SV2C: variants seen among roughly 807,000 people sequenced by gnomAD.
SV2C encodes solute carrier family 22 member B3.
A neutral mutation model predicts 79.7 loss-of-function variants in SV2C; 49 were observed. The ratio of observed to expected loss-of-function variants is 0.61; its 90% CI spans 0.49 to 0.78. SV2C has a LOEUF of 0.78. Ranked by LOEUF, SV2C falls within the 30% of genes least tolerant of loss-of-function variation. SV2C has a pLI of 0.00. For missense variants in SV2C, 833 were observed against 912.9 expected (o/e 0.91, Z 1.13); for synonymous variants, 334 against 333.2 (o/e 1.00, Z -0.03).
the SV2C span, among the ~76,000 whole-genome samples, chr5:76,006,690 T>C: frequency 6.6e-6 from 1 of 152,096 alleles, no homozygotes. Context: ...TAAATCAGCA[T>C]TTGGTCCTGG....
intron 10 of SV2C, among the ~76,000 whole-genome samples, chr5:76,299,754 A>G (rs1218352292): frequency 6.6e-6 from 1 of 152,210 alleles, no homozygotes; most frequent in Non-Finnish European, 1.5e-5. Flanking sequence ...GAGCAATGCT[A>G]TCTACCTGTC....
At chr5:76,083,310 G>A (rs1747054170), upstream of SV2C, 2 of 152,822 alleles carry the variant, frequency 1.3e-5, no homozygotes, top group East Asian at 1.9e-4. Flanking sequence ...GAGGAGAGGA[G>A]GAGGACCGCA....
chr5:75,969,997 C>T, the SV2C span, among the ~76,000 whole-genome samples: 1 of 152,060 alleles, frequency 6.6e-6, no homozygotes. Context: ...TGCAATCAAA[C>T]TAGAACTCAG....
chr5:76,104,897 G>T (rs1006790172), intron 1 of SV2C, among the ~76,000 whole-genome samples: 1 of 152,148 alleles, frequency 6.6e-6, no homozygotes, highest in Non-Finnish European at 1.5e-5. Context: ...CCCAGAAGAG[G>T]CAGTTTCTTC....
the SV2C span, among the ~76,000 whole-genome samples, chr5:76,049,541 G>A: frequency 6.6e-6 from 1 of 152,150 alleles, no homozygotes; most frequent in Non-Finnish European, 1.5e-5. Context: ...GATAATTGAA[G>A]AAGAAATTTC....
the SV2C span, among the ~76,000 whole-genome samples, chr5:75,934,350 G>A: frequency 7.3e-5 from 10 of 136,434 alleles, no homozygotes; most frequent in Admixed American, 4.6e-4. Flanking sequence ...GCAATGGCGC[G>A]ATCTCGGCTC....
chr5:76,097,605 G>A (rs1747607399), intron 1 of SV2C, among the ~76,000 whole-genome samples: 1 of 152,096 alleles, frequency 6.6e-6, no homozygotes, highest in Non-Finnish European at 1.5e-5. Context: ...AAGGCATTAT[G>A]CTGATATTTT....
intron 1 of SV2C, among the ~76,000 whole-genome samples, chr5:76,120,997 G>A (rs1480167177): frequency 2.0e-5 from 3 of 151,006 alleles, no homozygotes; most frequent in Non-Finnish European, 4.4e-5. Context: ...GTGTAAAAGT[G>A]TTCCTATTTC....
chr5:75,995,510 A>G, the SV2C span, among the ~76,000 whole-genome samples: 1 of 152,176 alleles, frequency 6.6e-6, no homozygotes, highest in Non-Finnish European at 1.5e-5. Flanking sequence ...TAAAAATAAA[A>G]CATCATTAAT....
chr5:76,047,290 G>A, the SV2C span, among the ~76,000 whole-genome samples: 3 of 152,052 alleles, frequency 2.0e-5, no homozygotes, highest in African/African-American at 4.8e-5. Context: ...CCCATGATTC[G>A]ACTTCTAATA....
chr5:76,169,418 G>A (rs1476448943), intron 2 of SV2C, among the ~76,000 whole-genome samples: 2 of 152,146 alleles, frequency 1.3e-5, no homozygotes, highest in Admixed American at 1.3e-4. Flanking sequence ...GGGGCAGGGT[G>A]GTGAAAAACT....
chr5:76,167,652 T>A (rs1421862958), intron 2 of SV2C, among the ~76,000 whole-genome samples: 1 of 152,222 alleles, frequency 6.6e-6, no homozygotes, highest in Non-Finnish European at 1.5e-5. Flanking sequence ...ATTTTACAAT[T>A]GATGAAAATG....
At chr5:76,197,517 G>A (rs989578496) in intron 3 of SV2C, among the ~76,000 whole-genome samples, 1 of 152,080 alleles carries the variant, frequency 6.6e-6, no homozygotes, top group Admixed American at 6.6e-5. Context: ...CAGGGCTGAG[G>A]GGGGAGTCAT....
chr5:75,897,919 G>A, the SV2C span, among the ~76,000 whole-genome samples: 224 of 152,016 alleles, frequency 1.5e-3, 3 homozygotes, highest in East Asian at 0.034. Flanking sequence ...CATTGATTTT[G>A]TATCCTGAGA....
At chr5:75,910,355 A>G in the SV2C span, 170 of 563,542 alleles carry the variant, frequency 3.0e-4, no homozygotes, top group Admixed American at 6.2e-4. Context: ...ATTATTCCCT[A>G]CGATGGCCTT....
chr5:76,049,024 A>AGAGAG, the SV2C span, among the ~76,000 whole-genome samples: 18 of 120,520 alleles, frequency 1.5e-4, 1 homozygote. Flanking sequence ...AGAAAGAAAG[A>AGAGAG]AAAAGAAAAG....
chr5:76,195,776 T>C (rs920108530), intron 3 of SV2C, among the ~76,000 whole-genome samples: 2 of 152,120 alleles, frequency 1.3e-5, no homozygotes, highest in Admixed American at 6.5e-5. Context: ...GAAAAAAACA[T>C]AGTAAAAATA....
chr5:76,292,468 C>T (rs1747600105), intron 8 of SV2C, among the ~76,000 whole-genome samples: 1 of 152,154 alleles, frequency 6.6e-6, no homozygotes, highest in East Asian at 1.9e-4. Flanking sequence ...TCCATGAGGA[C>T]AGGGGTTTTT....
rs1743788660 is a variant in SV2C at position 76,182,942 on chromosome 5, AG to A, written c.581-11976del. On this transcript the variant is annotated intron_variant, in intron 2 of 12. Transcript: ENST00000502798. ...GAGTGTGTGTGTGTGTGTGTATGTGAGAGAGAGAGAGAGAGACAGAGAGAGA... is the reference window on the plus strand; with the variant it reads ...GAGTGTGTGTGTGTGTGTGTATGTGAAGAGAGAGAGAGAGACAGAGAGAGA... Among the ~76,000 whole-genome samples, 4 of 13,416 alleles carry A rather than the reference AG, an allele frequency of 3.0e-4. No homozygotes were observed. The South Asian group carries it at 6.9e-3, about 23-fold the overall frequency. 8.8% of individuals were successfully genotyped at this position (13,416 alleles called of 152,430 possible).
Sources: gnomAD v4.1 joint callset for allele counts (sites outside exome capture counted in the v4.1 genomes callset) on GRCh38, gnomAD v4.1.1 for gene constraint, MANE v1.5 for transcripts, NCBI Gene and HGNC (gene_info 2026-07-23, HGNC 2026-07-21) for gene names.